NOTCH3: variants seen among roughly 807,000 people sequenced by gnomAD.
NOTCH3 encodes the protein neurogenic locus notch homolog protein 3.
A neutral mutation model predicts 213.3 loss-of-function variants in NOTCH3; 86 were observed. The ratio of observed to expected loss-of-function variants is 0.40; its 90% CI spans 0.34 to 0.48. NOTCH3 has a LOEUF of 0.48. Ranked by LOEUF, NOTCH3 falls within the 20% of genes least tolerant of loss-of-function variation. The pLI is 0.57. For missense variants in NOTCH3, 2,783 were observed against 3,272.6 expected (o/e 0.85, Z 3.65); for synonymous variants, 1,354 against 1,355.9 (o/e 1.00, Z 0.03).
In NOTCH3 at chr19:15,189,056, CGACAGACACTCGTT is replaced by C. The variant is rs1568360443; in HGVS notation, c.1297_1310del (p.Asn433GlyfsTer34). On this transcript the variant is annotated frameshift_variant, in exon 8 of 33. Coordinates refer to ENST00000263388, the MANE Select transcript of NOTCH3 (RefSeq NM_000435.3). LOFTEE classifies it high-confidence loss of function. ...ACGTGGCCTGGTTTCGGCAGGGCCCCGACAGACACTCGTTGACATCGGTCTCACAGCGAGGTCCA... is the reference window on the plus strand; with the variant it reads ...ACGTGGCCTGGTTTCGGCAGGGCCCCGACATCGGTCTCACAGCGAGGTCCA... The C allele has an allele frequency of 1.2e-6, 2 of 1,613,162 alleles. No individual in the cohort carries two copies. Among genetic ancestry groups the C allele is most frequent in the Non-Finnish European group, 1.7e-6 (2 of 1,180,030 alleles).
rs989186021 is a variant in NOTCH3 at position 15,177,774 on chromosome 19, G to C, written c.4154C>G (p.Pro1385Arg). 1 of 1,354,286 alleles carries C rather than the reference G, an allele frequency of 7.4e-7. No homozygotes were observed. The highest frequency in any genetic ancestry group is 9.4e-7 in the Non-Finnish European group (1 of 1,062,354). 83.9% of individuals were successfully genotyped at this position (1,354,286 alleles called of 1,614,324 possible). The part of the protein sequence containing the change: ...PAAAPEVSEE[P>R]RCPRAACQAK... ...CTGGCAGGCGGCGCGCGGGCACCGC[G>C]GCTCCTCCGAGACCTCGGGTGCCGC... The change falls in exon 24 of 33, where the codon CCG (proline) becomes CGG (arginine). Residue 1385 changes from proline (P) to arginine (R), a missense_variant. Pro to Arg is a moderately radical substitution (Grantham distance 103). Coordinates refer to ENST00000263388, the MANE Select transcript of NOTCH3 (RefSeq NM_000435.3).
intron 2 of NOTCH3, among the ~76,000 whole-genome samples, chr19:15,196,365 C>T (rs1276043108): frequency 6.6e-6 from 1 of 150,882 alleles, no homozygotes; most frequent in African/African-American, 2.4e-5. Flanking sequence ...CCTTCGCAGA[C>T]CCCCCAGCCC....
At chr19:15,199,090 G>T (rs1599402127) in intron 1 of NOTCH3, among the ~76,000 whole-genome samples, 1 of 152,186 alleles carries the variant, frequency 6.6e-6, no homozygotes, top group African/African-American at 2.4e-5. Context: ...TCACACTGTG[G>T]GTCCCATAAC....
rs1230215767 is a variant in NOTCH3, at chr19:15,179,156, C to T, written c.3587G>A (p.Gly1196Glu). 1 of 1,614,042 alleles carries T rather than the reference C, an allele frequency of 6.2e-7. No homozygotes were observed. The highest frequency in any genetic ancestry group is 2.2e-5 in the East Asian group (1 of 44,900). Reference protein sequence around the residue: ...VGGFRCTCPPGYTGLRCEADI... With the variant: ...VGGFRCTCPPEYTGLRCEADI... ...TGCCTCGCAGCGCAAACCAGTGTAT[C>T]CTGGGGGACAGGTGCAGCGGAAACC... Residue 1196 changes from glycine to glutamate, a missense_variant, in exon 22 of 33, where the codon GGA becomes GAA. Physicochemically the swap from Gly to Glu is moderately conservative, Grantham distance 98 (BLOSUM62 -2). Around this residue, in one of 6 missense-constraint regions of NOTCH3, gnomAD observed 861 missense variants for 909.1 expected, o/e 0.95. Transcript: ENST00000263388.
chr19:15,183,228 TG>T (rs2145426065), intron 16 of NOTCH3, among the ~76,000 whole-genome samples: 1 of 152,254 alleles, frequency 6.6e-6, no homozygotes, highest in East Asian at 1.9e-4. Flanking sequence ...CACTCCAGCC[TG>T]GGCGACAGAG....
At chr19:15,197,441 G>GCCCCACC in intron 2 of NOTCH3, 59 bp downstream of exon 2, 2 of 768,362 alleles carry the variant, frequency 2.6e-6, no homozygotes, top group Non-Finnish European at 4.6e-6. Context: ...AAGACAAATC[G>GCCCCACC]CCCCTCCCCC....
In NOTCH3 at chr19:15,165,837, G is replaced by A. The variant is rs749429793; in HGVS notation, c.5617C>T (p.Arg1873Cys). ...ADTNAQDHSG[R>C]TPLHTAVTAD... Reference sequence around the variant, plus strand: ...GTGACAGCTGTGTGCAGGGGAGTGCGGCCTGAGTGGTCCTGGGCATTGGTG... The same window carrying A: ...GTGACAGCTGTGTGCAGGGGAGTGCAGCCTGAGTGGTCCTGGGCATTGGTG... The change falls in exon 30 of 33, where the codon CGC becomes TGC. Residue 1873 changes from arginine to cysteine, a missense_variant. By Grantham distance (180) the Arg-to-Cys change is radical (BLOSUM62 -3). Around this residue, in one of 6 missense-constraint regions of NOTCH3, gnomAD observed 636 missense variants for 801.8 expected, o/e 0.79. Coordinates refer to ENST00000263388, the MANE Select transcript of NOTCH3 (RefSeq NM_000435.3). This position sits in a 1 kb window ranked among gnomAD's most constrained non-coding sequence, Gnocchi z 4.7. 8.1e-6 allele frequency: 13 copies of A among 1,613,764 alleles called. No homozygotes were observed. Among genetic ancestry groups the A allele is most frequent in the East Asian group, 2.2e-5 (1 of 44,888 alleles).
Position 15,174,054 on chromosome 19 carries a change from G to C in NOTCH3, c.4736+14C>G, listed in dbSNP as rs2145408320. 6.5e-7 allele frequency: 1 copy of C among 1,547,828 alleles called. No individual in the cohort carries two copies. Among genetic ancestry groups the C allele is most frequent in the South Asian group, 1.2e-5 (1 of 82,400 alleles). On this transcript the variant is annotated intron_variant, in intron 25 of 32. Coordinates refer to ENST00000263388, the MANE Select transcript of NOTCH3 (RefSeq NM_000435.3). The stretch of plus-strand genomic sequence containing the variant: ...TCCCCAGCCACCACGGCTTTTCCAG[G>C]TGGGGTCACTCACCCGATCACCTCG...
intron 16 of NOTCH3, among the ~76,000 whole-genome samples, chr19:15,184,037 CAAAAAAAAAAA>C (rs34518539): frequency 4.0e-4 from 11 of 27,632 alleles, no homozygotes; most frequent in Middle Eastern, 0.026. Flanking sequence ...GACTCTGTCT[CAAAAAAAAAAA>C]AAAAAAAAAA....
chr19:15,188,421 C>CT, intron 8 of NOTCH3, 73 bp from the exon 9 acceptor site: 1 of 925,844 alleles, frequency 1.1e-6, no homozygotes, highest in East Asian at 2.6e-5. Flanking sequence ...GAAGGAGGTA[C>CT]TTCCCTTCCT....
At chr19:15,174,462 C>A in intron 24 of NOTCH3, 62 bp from the exon 25 acceptor site, 1 of 1,192,662 alleles carries the variant, frequency 8.4e-7, no homozygotes, top group Non-Finnish European at 1.2e-6. Flanking sequence ...CAATCCCCTT[C>A]CATGCATTCA....
chr19:15,174,418 G>A lies in NOTCH3; in HGVS notation c.4404-18C>T, dbSNP rs772183900. ...ACACCGGGCTGGTGGGGAAGGGTGA[G>A]GCAGAGAGGGGCGGAGTCAGGGGTC... On this transcript the variant is annotated intron_variant, in intron 24 of 32. Coordinates refer to ENST00000263388, the MANE Select transcript of NOTCH3 (RefSeq NM_000435.3). 5 of 1,498,670 alleles carry A rather than the reference G, an allele frequency of 3.3e-6. No homozygotes were observed. The East Asian group carries it at 9.9e-5, about 30-fold the overall frequency. The allele number at this position is 1,498,670 out of a possible 1,614,324, so 92.8% of individuals were successfully genotyped here.
chr19:15,195,497 G>C (rs1254199964), intron 2 of NOTCH3, among the ~76,000 whole-genome samples: 1 of 148,604 alleles, frequency 6.7e-6, no homozygotes, highest in Non-Finnish European at 1.5e-5. Flanking sequence ...TGGCGCGGTT[G>C]TCCTCCCTCC....
In NOTCH3 at chr19:15,181,180, G is replaced by A. The variant is rs1044722498; in HGVS notation, c.2793-18C>T. ...AGCAGGAGCTGGAGCGGAAGGAGTG[G>A]GAGGGAGGATCAGGCTCCGCCCCCT... On this transcript the variant is annotated intron_variant, in intron 17 of 32. Transcript: ENST00000263388. 3.1e-6 allele frequency: 5 copies of A among 1,605,688 alleles called. No individual in the cohort carries two copies. The highest frequency in any genetic ancestry group is 2.7e-5 in the African/African-American group (2 of 74,794).
chr19:15,192,319 T>TG (rs1214728935), intron 3 of NOTCH3, 21 bp from the exon 4 acceptor site: 6 of 1,610,192 alleles, frequency 3.7e-6, no homozygotes, highest in Non-Finnish European at 5.1e-6. Context: ...CAGGACAGGG[T>TG]GAGTTTAGGA....
At chr19:15,186,749 G>T in intron 12 of NOTCH3, 129 bp downstream of exon 12, 1 of 795,056 alleles carries the variant, frequency 1.3e-6, no homozygotes, top group Non-Finnish European at 2.2e-6. Context: ...AGACAGCACA[G>T]ACTCAGGGCA....
At position 15,191,720 on chromosome 19, in the gene NOTCH3, C is replaced by T. The variant is rs371165909; in HGVS notation, c.802+25G>A. ...CATGTCCACCCGAGGCCTGCCTCCC[C>T]GCTCCCTCTGGCCGCAGTGCCCACC... On this transcript the variant is annotated intron_variant, in intron 5 of 32. Coordinates refer to ENST00000263388, the MANE Select transcript of NOTCH3 (RefSeq NM_000435.3). 1.5e-4 allele frequency: 248 copies of T among 1,613,646 alleles called. No homozygotes were observed. In the African/African-American group the frequency reaches 2.6e-3, roughly 17 times the overall value.
intron 1 of NOTCH3, among the ~76,000 whole-genome samples, chr19:15,198,847 G>A (rs886976781): frequency 6.6e-6 from 1 of 152,060 alleles, no homozygotes; most frequent in South Asian, 2.1e-4. Context: ...GGAAGCGGAG[G>A]TTGCAGTGAC....
chr19:15,181,246 T>A, intron 17 of NOTCH3, 84 bp from the exon 18 acceptor site: 1 of 1,272,010 alleles, frequency 7.9e-7, no homozygotes, highest in Non-Finnish European at 1.1e-6. Flanking sequence ...CTGTTAGCGC[T>A]GGGGACGTCC....
Sources: gnomAD v4.1 joint callset for allele counts (sites outside exome capture counted in the v4.1 genomes callset) on GRCh38, gnomAD v4.1.1 for gene constraint, gnomAD v4.1.1 regional missense constraint, Gnocchi (gnomAD v3.1) non-coding constraint, MANE v1.5 for transcripts, NCBI Gene and HGNC (gene_info 2026-07-23, HGNC 2026-07-21) for gene names.